The following TCF7L2 variants were observed in gnomAD, a reference collection of about 807,000 sequenced individuals.
TCF7L2 encodes the protein transcription factor 7 like 2.
A neutral mutation model predicts 77.9 loss-of-function variants in TCF7L2; 23 were observed. The observed-to-expected ratio is 0.30, with a 90% CI of 0.21 to 0.42. The LOEUF (loss-of-function observed/expected upper bound fraction) is 0.42, where lower values mean the gene tolerates loss of function less well. Among genes scored for constraint, TCF7L2 ranks in the 10% least tolerant of loss-of-function variants. TCF7L2 has a pLI of 1.00. For synonymous variants in TCF7L2, 413 were observed against 340.2 expected (o/e 1.21, Z -2.36); for missense variants, 654 against 793.1 (o/e 0.82, Z 2.11).
chr10:112,961,316 C>T lies in TCF7L2; in HGVS notation c.382-3240C>T, dbSNP rs1403912609. ...GGATTACAGGCGTGAGCCATCGTGCCCGGCCAGAACCTGGTTTTTAAACTC... is the reference window on the plus strand; with the variant it reads ...GGATTACAGGCGTGAGCCATCGTGCTCGGCCAGAACCTGGTTTTTAAACTC... On this transcript the variant is annotated intron_variant, in intron 3 of 13. Coordinates refer to ENST00000627217, the MANE Select transcript of TCF7L2 (RefSeq NM_001146274.2). Among the ~76,000 whole-genome samples the T allele has an allele frequency of 2.7e-5, 4 of 149,450 alleles. No individual in the cohort carries two copies. In the East Asian group the frequency reaches 8.0e-4, roughly 30 times the overall value.
chr10:113,078,968 G>C (rs1764610338), intron 5 of TCF7L2, among the ~76,000 whole-genome samples: 1 of 152,048 alleles, frequency 6.6e-6, no homozygotes, highest in South Asian at 2.1e-4. Context: ...GAGTAGCTGG[G>C]ATTACAGGTG....
intron 10 of TCF7L2, among the ~76,000 whole-genome samples, 177 bp downstream of exon 10, chr10:113,152,061 C>T (rs1010072902): frequency 6.6e-6 from 1 of 152,128 alleles, no homozygotes. Context: ...CTGCACTCAG[C>T]GTTCAGAACA....
chr10:113,074,782 G>A lies in TCF7L2; in HGVS notation c.552+34656G>A, dbSNP rs560972103. On this transcript the variant is annotated intron_variant, in intron 5 of 13. Transcript: ENST00000627217. ...CTTTACCTCAGTAGTTTTCAGCTGG[G>A]GCAATTTTGTTCCCCAGGAGACATC... Among the ~76,000 whole-genome samples, 4 of 152,220 alleles carry A rather than the reference G, an allele frequency of 2.6e-5. No individual in the cohort carries two copies. In the South Asian group the frequency reaches 6.2e-4, roughly 24 times the overall value.
chr10:112,951,525 A>C lies in TCF7L2; in HGVS notation c.299A>C (p.Tyr100Ser), dbSNP rs2134205074. Residue 100 changes from tyrosine to serine, a missense_variant, in exon 3 of 14, where the codon TAT (tyrosine) becomes TCT (serine). By Grantham distance (144) the Tyr-to-Ser change is moderately radical. Around this residue, in one of 6 missense-constraint regions of TCF7L2, gnomAD observed 132 missense variants for 123.7 expected, o/e 1.07. Coordinates refer to ENST00000627217, the MANE Select transcript of TCF7L2 (RefSeq NM_001146274.2). The stretch of plus-strand genomic sequence containing the variant: ...GGAGGGCTCTTTAAGGGGCCACCGT[A>C]TCCCGGCTACCCCTTCATCATGATC... 7.0e-7 allele frequency: 1 copy of C among 1,427,258 alleles called. No homozygotes were observed. The highest frequency in any genetic ancestry group is 9.4e-7 in the Non-Finnish European group (1 of 1,067,432). The allele number at this position is 1,427,258 out of a possible 1,614,324, so 88.4% of individuals were successfully genotyped here.
chr10:113,000,140 G>A (rs762328932), intron 4 of TCF7L2, among the ~76,000 whole-genome samples: 4 of 152,186 alleles, frequency 2.6e-5, no homozygotes, highest in Non-Finnish European at 5.9e-5. Context: ...TTGTGGGACC[G>A]AATAATGCAA....
intron 5 of TCF7L2, among the ~76,000 whole-genome samples, chr10:113,074,569 G>T (rs1338188037): frequency 1.3e-5 from 2 of 152,168 alleles, no homozygotes; most frequent in Non-Finnish European, 1.5e-5. Flanking sequence ...GCTGACGGCT[G>T]CACACTCATC....
At chr10:113,105,075 G>T (rs1182264852) in intron 5 of TCF7L2, among the ~76,000 whole-genome samples, 2 of 152,164 alleles carry the variant, frequency 1.3e-5, no homozygotes, top group Non-Finnish European at 2.9e-5. Context: ...ACTGCTTCTG[G>T]ACACAAATTA....
chr10:113,137,443 T>C (rs1254709957), intron 5 of TCF7L2, among the ~76,000 whole-genome samples: 1 of 152,214 alleles, frequency 6.6e-6, no homozygotes, highest in African/African-American at 2.4e-5. Context: ...ACGATTCTCA[T>C]CCAGAGTTGA....
intron 5 of TCF7L2, among the ~76,000 whole-genome samples, chr10:113,074,565 G>A (rs2135317612): frequency 6.6e-6 from 1 of 152,220 alleles, no homozygotes; most frequent in African/African-American, 2.4e-5. Flanking sequence ...CACTGCTGAC[G>A]GCTGCACACT....
At chr10:113,081,838 T>C (rs2059344450) in intron 5 of TCF7L2, among the ~76,000 whole-genome samples, 1 of 152,154 alleles carries the variant, frequency 6.6e-6, no homozygotes, top group Admixed American at 6.5e-5. Context: ...ATTACTATTA[T>C]TATTTTGAGA....
At chr10:113,075,915 C>T (rs61872795) in intron 5 of TCF7L2, among the ~76,000 whole-genome samples, 33,269 of 152,040 alleles carry the variant, frequency 0.22, 4,221 homozygotes, top group South Asian at 0.31. Context: ...GCGAGTTGAT[C>T]ACCTGAGGTC....
At chr10:113,158,345 T>C (rs1234074487) in intron 12 of TCF7L2, among the ~76,000 whole-genome samples, 1 of 152,012 alleles carries the variant, frequency 6.6e-6, no homozygotes, top group East Asian at 1.9e-4. Flanking sequence ...GAGCAAGCGG[T>C]AGGCATGCCT....
At chr10:113,131,911 C>T (rs1041541917) in intron 5 of TCF7L2, 7 of 152,234 alleles carry the variant, frequency 4.6e-5, no homozygotes, top group Non-Finnish European at 7.3e-5. Flanking sequence ...TCCCTCGTTA[C>T]CTTAAACTTG....
At chr10:113,089,047 T>C (rs2060111137) in intron 5 of TCF7L2, among the ~76,000 whole-genome samples, 1 of 152,068 alleles carries the variant, frequency 6.6e-6, no homozygotes, top group Non-Finnish European at 1.5e-5. Flanking sequence ...ACATAACTAA[T>C]AGATTCAGTA....
chr10:113,100,852 G>T (rs2061551806), intron 5 of TCF7L2, among the ~76,000 whole-genome samples: 1 of 152,142 alleles, frequency 6.6e-6, no homozygotes, highest in Admixed American at 6.6e-5. Flanking sequence ...GACGCAGGTG[G>T]ATCACCTGAG....
intron 5 of TCF7L2, among the ~76,000 whole-genome samples, chr10:113,058,694 CTG>C (rs112952265): frequency 2.0e-5 from 3 of 150,388 alleles, no homozygotes; most frequent in Non-Finnish European, 1.5e-5. Context: ...GGGTCGTGAG[CTG>C]TGTGTGTGTG....
chr10:113,099,119 T>A (rs2061361446), intron 5 of TCF7L2, among the ~76,000 whole-genome samples: 1 of 152,216 alleles, frequency 6.6e-6, no homozygotes, highest in Non-Finnish European at 1.5e-5. Flanking sequence ...TCCTTGCCTG[T>A]ACACCTAGCA....
intron 5 of TCF7L2, among the ~76,000 whole-genome samples, chr10:113,127,845 G>A (rs2065901357): frequency 7.3e-6 from 1 of 137,498 alleles, no homozygotes; most frequent in Non-Finnish European, 1.6e-5. Flanking sequence ...TCTAGCATGA[G>A]TTAGCTTATG....
At position 113,151,563 on chromosome 10, in the gene TCF7L2, T is replaced by G. The variant is rs1352268807; in HGVS notation, c.1002-162T>G. On this transcript the variant is annotated intron_variant, in intron 9 of 13. Coordinates refer to ENST00000627217, the MANE Select transcript of TCF7L2 (RefSeq NM_001146274.2). This position sits in a 1 kb window ranked among gnomAD's most constrained non-coding sequence, Gnocchi z 5.2. ...CTTCCCCCAACCCCTCCCCAAGCTA[T>G]TTTTGTTCCATTTTCCGGGGTGCAG... Among the ~76,000 whole-genome samples, 1 of 152,106 alleles carries G rather than the reference T, an allele frequency of 6.6e-6. No homozygotes were observed. The highest frequency in any genetic ancestry group is 2.4e-5 in the African/African-American group (1 of 41,446).
Sources: gnomAD v4.1 joint callset for allele counts (sites outside exome capture counted in the v4.1 genomes callset) on GRCh38, gnomAD v4.1.1 for gene constraint, gnomAD v4.1.1 regional missense constraint, Gnocchi (gnomAD v3.1) non-coding constraint, MANE v1.5 for transcripts, NCBI Gene and HGNC (gene_info 2026-07-23, HGNC 2026-07-21) for gene names.